The following RAB44 variants were observed in gnomAD, a reference collection of about 807,000 sequenced individuals.
The protein encoded by RAB44 is RAB44, member RAS oncogene family.
In RAB44, 67 loss-of-function variants were observed where a neutral mutation model predicts 93.3. The observed-to-expected ratio is 0.72, with a 90% CI of 0.59 to 0.88. The LOEUF (loss-of-function observed/expected upper bound fraction) is 0.88. Among genes scored for constraint, RAB44 ranks in the 40% least tolerant of loss-of-function variants. The probability of loss-of-function intolerance (pLI) is 0.00; values close to 1 mark genes in which losing one functional copy is unlikely to be tolerated. For synonymous variants in RAB44, 427 were observed against 520.3 expected (o/e 0.82, Z 2.44); for missense variants, 1,064 against 1,261.7 (o/e 0.84, Z 2.37).
chr6:36,713,605 T>C (rs1290586300), intron 2 of RAB44, among the ~76,000 whole-genome samples: 3 of 152,104 alleles, frequency 2.0e-5, no homozygotes, highest in Non-Finnish European at 4.4e-5. Flanking sequence ...TGATTTTGGA[T>C]GGAGAGAGTG....
chr6:36,714,351 G>A (rs1762864011), intron 3 of RAB44, among the ~76,000 whole-genome samples: 2 of 152,190 alleles, frequency 1.3e-5, no homozygotes, highest in Admixed American at 1.3e-4. Flanking sequence ...CTCTCTAGAT[G>A]GGCTGACAAG....
chr6:36,729,973 T>C (rs1296439018), intron 12 of RAB44, among the ~76,000 whole-genome samples: 1 of 152,188 alleles, frequency 6.6e-6, no homozygotes, highest in Non-Finnish European at 1.5e-5. Flanking sequence ...TTGGCAGCAA[T>C]TGGTGGTTAA....
chr6:36,729,416 C>T (rs1763308465), intron 12 of RAB44, among the ~76,000 whole-genome samples: 1 of 152,158 alleles, frequency 6.6e-6, no homozygotes. Context: ...TTTCTCTTCC[C>T]ACTTCCCGTA....
At chr6:36,699,397 G>A (rs1349084894) in intron 1 of RAB44, among the ~76,000 whole-genome samples, 2 of 152,108 alleles carry the variant, frequency 1.3e-5, no homozygotes, top group East Asian at 1.9e-4. Flanking sequence ...GGCAGGCTGC[G>A]ATGTGACACT....
intron 2 of RAB44, among the ~76,000 whole-genome samples, chr6:36,707,330 C>A (rs1762673666): frequency 6.6e-6 from 1 of 151,198 alleles, no homozygotes; most frequent in Admixed American, 6.6e-5. Context: ...GCACTCCAGC[C>A]TGGGTGACAG....
chr6:36,723,649 C>T (rs907162584), intron 9 of RAB44, among the ~76,000 whole-genome samples: 9 of 151,742 alleles, frequency 5.9e-5, no homozygotes, highest in Non-Finnish European at 8.8e-5. Context: ...TCCCGGCTAA[C>T]GCAGTGAAAC....
intron 4 of RAB44, among the ~76,000 whole-genome samples, chr6:36,716,469 CAAAA>C (rs567193522): frequency 1.3e-5 from 1 of 76,260 alleles, no homozygotes; most frequent in South Asian, 4.4e-4. Context: ...GACTCTGTCT[CAAAA>C]AAAAAAAAAA....
intron 2 of RAB44, among the ~76,000 whole-genome samples, chr6:36,705,857 G>A (rs578086255): frequency 9.9e-5 from 15 of 151,382 alleles, no homozygotes; most frequent in African/African-American, 2.4e-4. Flanking sequence ...CTGTCTGGAC[G>A]CTTTCATACA....
chr6:36,710,048 A>T (rs114338779), intron 2 of RAB44, among the ~76,000 whole-genome samples: 1,710 of 152,380 alleles, frequency 0.011, 9 homozygotes, highest in Non-Finnish European at 0.017. Flanking sequence ...TATGCAATGC[A>T]TAACAGAAAA....
Position 36,721,755 on chromosome 6 carries a change from G to C in RAB44, c.1621G>C (p.Ala541Pro). Residue 541 changes from alanine to proline, a missense_variant, in exon 9 of 14, where the codon GCT becomes CCT. By Grantham distance (27) the Ala-to-Pro change is conservative (BLOSUM62 -1). Coordinates refer to ENST00000612677, the MANE Select transcript of RAB44 (RefSeq NM_001257357.2). ...TGGGTCTTGGGCTCCTCCCAGCGGG[G>C]CTCAGCCTGGGGCTGGAGCAGGACC... ...GPGSWAPPSGAQPGAGAGPQE... is the reference protein window; with the variant it reads ...GPGSWAPPSGPQPGAGAGPQE... 1 of 1,234,506 alleles carries C rather than the reference G, an allele frequency of 8.1e-7. No individual in the cohort carries two copies. Among genetic ancestry groups the C allele is most frequent in the Non-Finnish European group, 1.0e-6 (1 of 988,314 alleles). The allele number at this position is 1,234,506 out of a possible 1,614,324, so 76.5% of individuals were successfully genotyped here.
chr6:36,707,347 GAGGCTCTGTCTCAAAAAAAAAAAAA>G (rs1405057062), intron 2 of RAB44, among the ~76,000 whole-genome samples: 2 of 151,064 alleles, frequency 1.3e-5, no homozygotes, highest in African/African-American at 4.9e-5. Flanking sequence ...ACAGCAGAGT[GAGGCTCTGTCTCAAAAAAAAAAAAA>G]AGTATAATCT....
chr6:36,708,462 AAATTTAGGATCTGATCTTGGG>A, intron 2 of RAB44, among the ~76,000 whole-genome samples: 1 of 152,104 alleles, frequency 6.6e-6, no homozygotes. Flanking sequence ...ATTTTTTTCT[AAATTTAGGATCTGATCTTGGG>A]AAGGCAAAAT....
In RAB44 at chr6:36,717,139, G is replaced by C; in HGVS notation, c.495-134G>C. The C allele has an allele frequency of 1.3e-6, 1 of 785,074 alleles. No homozygotes were observed. The highest frequency in any genetic ancestry group is 1.7e-6 in the Non-Finnish European group (1 of 580,386). 48.6% of individuals were successfully genotyped at this position (785,074 alleles called of 1,614,324 possible). Reference sequence around the variant, plus strand: ...TGGCGTTTTAGTTGCATCTTGTAGGGTGTCAATAGATTTGGCCCAGGTGCC... The same window carrying C: ...TGGCGTTTTAGTTGCATCTTGTAGGCTGTCAATAGATTTGGCCCAGGTGCC... On this transcript the variant is annotated intron_variant, in intron 4 of 13. Transcript: ENST00000612677. This position sits in a 1 kb window ranked among gnomAD's most constrained non-coding sequence, Gnocchi z 4.1.
rs565860026 is a variant in RAB44, at chr6:36,723,836, C to CAAAAAAAAAAAAA, written c.2599+1109_2599+1121dup. On this transcript the variant is annotated intron_variant, in intron 9 of 13. Transcript: ENST00000612677. ...GGCGACAGAGCAAGATTCCGTCTCC[C>CAAAAAAAAAAAAA]AAAAAAAAAAAAAAAAAAGCAAACC... is the stretch of plus-strand genomic sequence containing the variant. Among the ~76,000 whole-genome samples, 411 of 64,476 alleles carry CAAAAAAAAAAAAA rather than the reference C, an allele frequency of 6.4e-3. 23 individuals carry two copies. Among genetic ancestry groups the CAAAAAAAAAAAAA allele is most frequent in the East Asian group, 0.022 (48 of 2,156 alleles). The allele number at this position is 64,476 out of a possible 152,430, so 42.3% of individuals were successfully genotyped here.
intron 9 of RAB44, among the ~76,000 whole-genome samples, chr6:36,723,328 G>A (rs1036202545): frequency 2.6e-5 from 4 of 152,224 alleles, no homozygotes; most frequent in Non-Finnish European, 5.9e-5. Flanking sequence ...TAGAGTGGTT[G>A]AGGACTAGTT....
chr6:36,707,995 G>A (rs1762690670), intron 2 of RAB44, among the ~76,000 whole-genome samples: 1 of 152,096 alleles, frequency 6.6e-6, no homozygotes, highest in African/African-American at 2.4e-5. Flanking sequence ...AGGATCACTT[G>A]AGCCCAGAAA....
At position 36,704,422 on chromosome 6, in the gene RAB44, G is replaced by A. The variant is rs1177557016; in HGVS notation, c.187G>A (p.Val63Ile). Reference sequence around the variant, plus strand: ...CTGTGGTGCCAAGGAGAGGGGCTTTGTCACCCGCGAGGACCTGGCGGTGAG... The same window carrying A: ...CTGTGGTGCCAAGGAGAGGGGCTTTATCACCCGCGAGGACCTGGCGGTGAG... Reference protein sequence around the residue: ...QDCGAKERGFVTREDLAVAKF... With the variant: ...QDCGAKERGFITREDLAVAKF... Residue 63 changes from valine (V) to isoleucine (I), a missense_variant, in exon 2 of 14, where the codon GTC becomes ATC. Physicochemically the swap from Val to Ile is conservative, Grantham distance 29. Coordinates refer to ENST00000612677, the MANE Select transcript of RAB44 (RefSeq NM_001257357.2). 1 of 1,535,676 alleles carries A rather than the reference G, an allele frequency of 6.5e-7. No individual in the cohort carries two copies. The highest frequency in any genetic ancestry group is 8.7e-7 in the Non-Finnish European group (1 of 1,146,856).
chr6:36,722,241 C>G lies in RAB44; in HGVS notation c.2107C>G (p.Leu703Val). 7.9e-7 allele frequency: 1 copy of G among 1,273,398 alleles called. No individual in the cohort carries two copies. The highest frequency in any genetic ancestry group is 9.9e-7 in the Non-Finnish European group (1 of 1,011,402). The allele number at this position is 1,273,398 out of a possible 1,614,324, so 78.9% of individuals were successfully genotyped here. The change falls in exon 9 of 14, where the codon CTA becomes GTA. Residue 703 changes from leucine (L) to valine (V), a missense_variant. By Grantham distance (32) the Leu-to-Val change is conservative. Transcript: ENST00000612677. Reference protein sequence around the residue: ...QSEQSVEAHGLETAHSELPQQ... With the variant: ...QSEQSVEAHGVETAHSELPQQ... ...AGAGCAGTCGGTTGAGGCTCACGGCCTAGAAACTGCGCATTCGGAACTCCC... is the reference window on the plus strand; with the variant it reads ...AGAGCAGTCGGTTGAGGCTCACGGCGTAGAAACTGCGCATTCGGAACTCCC...
In RAB44 at chr6:36,704,300, CAA is replaced by C. The variant is rs981898444; in HGVS notation, c.66_67del (p.Glu24AlafsTer3). ...CTGGGCTCCAACCGGCGGCGGCAGA[CAA>C]GAGAGCCAGCTGATGGTGAAGGCGC... is the stretch of plus-strand genomic sequence containing the variant. On this transcript the variant is annotated frameshift_variant, in exon 2 of 14. Transcript: ENST00000612677. LOFTEE classifies it high-confidence loss of function. 3 of 1,536,042 alleles carry C rather than the reference CAA, an allele frequency of 2.0e-6. No individual in the cohort carries two copies. Among genetic ancestry groups the C allele is most frequent in the Non-Finnish European group, 2.6e-6 (3 of 1,146,924 alleles).
Sources: allele counts gnomAD v4.1 joint callset (sites outside exome capture counted in the v4.1 genomes callset), GRCh38; gene constraint gnomAD v4.1.1; non-coding constraint Gnocchi (gnomAD v3.1); transcripts MANE v1.5; gene names NCBI Gene and HGNC (gene_info 2026-07-23, HGNC 2026-07-21).